FER1L6: variants seen among roughly 807,000 people sequenced by gnomAD.
FER1L6 encodes fer-1-like protein 6.
A neutral mutation model predicts 219.2 loss-of-function variants in FER1L6; 177 were observed. The ratio of observed to expected loss-of-function variants is 0.81; its 90% CI spans 0.71 to 0.91. FER1L6 has a LOEUF of 0.91. FER1L6 is among the 40% of genes least tolerant of loss of function. The pLI, the probability that FER1L6 is intolerant of heterozygous loss-of-function variation, is 0.00. For synonymous variants in FER1L6, 768 were observed against 824.3 expected, an observed-to-expected ratio of 0.93 and a Z score of 1.17; for missense variants, 2,153 against 2,259.9, an observed-to-expected ratio of 0.95 and a Z score of 0.96.
At chr8:124,068,719 C>A (rs182650812) in intron 28 of FER1L6, among the ~76,000 whole-genome samples, 136 of 152,146 alleles carry the variant, frequency 8.9e-4, no homozygotes, top group African/African-American at 3.1e-3. Flanking sequence ...TCTCTCTGTG[C>A]CTAGTTTAAT....
intron 34 of FER1L6, among the ~76,000 whole-genome samples, chr8:124,094,154 T>G (rs1822173422): frequency 6.6e-6 from 1 of 152,186 alleles, no homozygotes; most frequent in African/African-American, 2.4e-5. Flanking sequence ...AAGACGTCCC[T>G]ATGGATGGAC....
At chr8:123,894,550 T>A (rs116473525) in intron 1 of FER1L6, among the ~76,000 whole-genome samples, 1,901 of 152,296 alleles carry the variant, frequency 0.012, 33 homozygotes, top group African/African-American at 0.041. Context: ...TGTAAAATGC[T>A]CATTAAAACA....
chr8:124,049,774 G>A lies in FER1L6; in HGVS notation c.2874+18G>A, dbSNP rs745554452. The A allele has an allele frequency of 2.5e-6, 4 of 1,613,540 alleles. No individual in the cohort carries two copies. The South Asian group carries it at 4.4e-5, about 18-fold the overall frequency. ...TGCTGCAGGTGAGTGAACCAGATGT[G>A]GCACGAGATCTATTAGGTCTACCTG... On this transcript the variant is annotated intron_variant, in intron 22 of 40. Transcript: ENST00000522917.
intron 39 of FER1L6, among the ~76,000 whole-genome samples, chr8:124,104,169 A>T (rs563235143): frequency 6.6e-6 from 1 of 152,044 alleles, no homozygotes; most frequent in Non-Finnish European, 1.5e-5. Context: ...TCCATTCTTA[A>T]TTGGATCCCC....
chr8:123,938,540 AATTT>A lies in FER1L6; in HGVS notation c.-7-17451_-7-17448del, dbSNP rs1814094018. 9.2e-5 allele frequency among the ~76,000 whole-genome samples: 11 copies of A among 118,970 alleles called. No homozygotes were observed. The South Asian group carries it at 3.1e-3, about 34-fold the overall frequency. 78.0% of individuals were successfully genotyped at this position (118,970 alleles called of 152,430 possible). A position where few individuals can be genotyped will look rare whatever the true frequency, so the allele number is the denominator to read the frequency against. ...TTAAAAGCTTATACAATTTACCTGA[AATTT>A]TTTTTTTTTTTTTTTTTTTTGAGAC... On this transcript the variant is annotated intron_variant, in intron 1 of 40. Transcript: ENST00000522917.
chr8:123,974,057 T>C (rs1815940963), intron 7 of FER1L6, among the ~76,000 whole-genome samples: 1 of 152,178 alleles, frequency 6.6e-6, no homozygotes, highest in African/African-American at 2.4e-5. Context: ...TTATCCCTGA[T>C]TTGTAGGAAA....
At chr8:123,938,697 C>G (rs1814105337) in intron 1 of FER1L6, among the ~76,000 whole-genome samples, 1 of 152,050 alleles carries the variant, frequency 6.6e-6, no homozygotes, top group African/African-American at 2.4e-5. Context: ...CAGGTGCCTA[C>G]TGCCACACCC....
intron 35 of FER1L6, among the ~76,000 whole-genome samples, chr8:124,096,223 TG>T (rs1295338782): frequency 6.6e-6 from 1 of 152,236 alleles, no homozygotes; most frequent in East Asian, 1.9e-4. Context: ...TTCACTTGGC[TG>T]GTCAGATGTG....
chr8:124,010,515 A>G (rs758365299), intron 13 of FER1L6, 79 bp from the exon 14 acceptor site: 6 of 1,560,122 alleles, frequency 3.8e-6, no homozygotes, highest in Non-Finnish European at 5.2e-6. Context: ...CCCAGAACGT[A>G]TAAAACATTA....
At chr8:123,856,348 AT>A (rs1816650023) in intron 1 of FER1L6, among the ~76,000 whole-genome samples, 2 of 130,848 alleles carry the variant, frequency 1.5e-5, no homozygotes, top group Non-Finnish European at 3.2e-5. Context: ...ATATATATAT[AT>A]TAGGGTCCAG....
intron 19 of FER1L6, 27 bp from the exon 20 acceptor site, chr8:124,039,855 C>G: frequency 6.2e-7 from 1 of 1,613,956 alleles, no homozygotes; most frequent in Non-Finnish European, 8.5e-7. Flanking sequence ...CCACTAACAC[C>G]TGCCCCCTTC....
intron 1 of FER1L6, among the ~76,000 whole-genome samples, chr8:123,891,601 G>A (rs950400739): frequency 6.6e-6 from 1 of 152,146 alleles, no homozygotes; most frequent in Non-Finnish European, 1.5e-5. Flanking sequence ...CTCCCAAACA[G>A]GAAATCACAG....
chr8:124,069,468 TC>T lies in FER1L6; in HGVS notation c.3828del (p.Leu1277CysfsTer19). 2 of 1,607,626 alleles carry T rather than the reference TC, an allele frequency of 1.2e-6. No individual in the cohort carries two copies. Among genetic ancestry groups the T allele is most frequent in the Non-Finnish European group, 1.7e-6 (2 of 1,177,458 alleles). ...GATGATGGAATCCCCAACCTGGCCA[TC>T]TTGCAGGTATGTGGGGACACAGGCA... ...PKDDGIPNLA[I>X]LQIYDGDLES... is the part of the protein sequence containing the mutation. On this transcript the variant is annotated frameshift_variant, in exon 29 of 41. Transcript: ENST00000522917. LOFTEE classifies it high-confidence loss of function.
chr8:123,863,884 G>T (rs1447423581), intron 1 of FER1L6, among the ~76,000 whole-genome samples: 3 of 151,184 alleles, frequency 2.0e-5, no homozygotes, highest in Non-Finnish European at 4.4e-5. Context: ...CTCTGCATGT[G>T]AGATGGGTTT....
intron 29 of FER1L6, among the ~76,000 whole-genome samples, chr8:124,069,775 C>G (rs1820989174): frequency 6.6e-6 from 1 of 152,212 alleles, no homozygotes; most frequent in Non-Finnish European, 1.5e-5. Context: ...TTGTCATCAT[C>G]ATGCAAATGT....
At chr8:123,886,042 G>T (rs1817195399) in intron 1 of FER1L6, among the ~76,000 whole-genome samples, 1 of 152,144 alleles carries the variant, frequency 6.6e-6, no homozygotes. Context: ...TTTGCCATTT[G>T]CCTTGAGACT....
At position 123,896,053 on chromosome 8, in the gene FER1L6, G is replaced by A. The variant is rs1240260121; in HGVS notation, c.-8+43868G>A. On this transcript the variant is annotated intron_variant, in intron 1 of 40. Coordinates refer to ENST00000522917, the MANE Select transcript of FER1L6 (RefSeq NM_001039112.2). ...GTCCTTGGGGTCAAATAGAGGGCTT[G>A]TTCTGGAGGCAGCCGCTCTAGGAAG... Among the ~76,000 whole-genome samples, 3 of 152,198 alleles carry A rather than the reference G, an allele frequency of 2.0e-5. No homozygotes were observed. In the East Asian group the frequency reaches 5.8e-4, roughly 29 times the overall value.
intron 1 of FER1L6, among the ~76,000 whole-genome samples, chr8:123,866,637 A>G (rs1816842169): frequency 6.6e-6 from 1 of 152,156 alleles, no homozygotes; most frequent in Non-Finnish European, 1.5e-5. Flanking sequence ...TTGTCTCCAC[A>G]TCCTTGCCAA....
chr8:124,016,836 ATCT>A (rs1219263564), intron 15 of FER1L6, among the ~76,000 whole-genome samples: 1 of 152,174 alleles, frequency 6.6e-6, no homozygotes, highest in Non-Finnish European at 1.5e-5. Flanking sequence ...TGTAAACATA[ATCT>A]TGTCAAATTG....
Sources: gnomAD v4.1 joint callset for allele counts (sites outside exome capture counted in the v4.1 genomes callset) on GRCh38, gnomAD v4.1.1 for gene constraint, MANE v1.5 for transcripts, NCBI Gene and HGNC (gene_info 2026-07-23, HGNC 2026-07-21) for gene names.